Variants in SPECC1 observed in about 807,000 individuals in gnomAD.
SPECC1 encodes cytospin-B.
SPECC1 carries 62 observed loss-of-function variants against 104.1 expected under a neutral mutation model. That is an observed-to-expected ratio of 0.60 (90% CI 0.49 to 0.74). The LOEUF (loss-of-function observed/expected upper bound fraction) is 0.74. Among genes scored for constraint, SPECC1 ranks in the 30% least tolerant of loss-of-function variants. The probability of loss-of-function intolerance (pLI) is 0.00; values close to 1 mark genes in which losing one functional copy is unlikely to be tolerated. For missense variants in SPECC1, 1,306 were observed against 1,310.5 expected (o/e 1.00, Z 0.05); for synonymous variants, 513 against 501.6 (o/e 1.02, Z -0.30).
chr17:20,102,520 C>T (rs2047991476), intron 2 of SPECC1, among the ~76,000 whole-genome samples: 1 of 152,150 alleles, frequency 6.6e-6, no homozygotes, highest in Non-Finnish European at 1.5e-5. Flanking sequence ...GCATAAAATC[C>T]CCTAGTCCAA....
At chr17:20,123,199 C>T (rs907979272) in intron 3 of SPECC1, among the ~76,000 whole-genome samples, 6 of 152,184 alleles carry the variant, frequency 3.9e-5, no homozygotes, top group Admixed American at 2.0e-4. Flanking sequence ...TTTAAAACCA[C>T]GAGACATGGA....
intron 9 of SPECC1, among the ~76,000 whole-genome samples, chr17:20,248,397 G>A (rs573083304): frequency 1.3e-5 from 2 of 152,270 alleles, no homozygotes; most frequent in South Asian, 2.1e-4. Flanking sequence ...GAGTGAGCCC[G>A]TCTTGAGATC....
chr17:20,261,051 A>G (rs1017163432), intron 12 of SPECC1, among the ~76,000 whole-genome samples: 3 of 152,214 alleles, frequency 2.0e-5, no homozygotes, highest in Non-Finnish European at 1.5e-5. Context: ...ATTCTTTTAA[A>G]CATTATGAGA....
In SPECC1 at chr17:20,197,176, C is replaced by G. The variant is rs533933176; in HGVS notation, c.284-7157C>G. On this transcript the variant is annotated intron_variant, in intron 3 of 14. Transcript: ENST00000395527. ...AGAACAGGGCCAGGAAAGGGGGTCC[C>G]TGGTGCCTCCTGTTTTTCCCAAGGA... Among the ~76,000 whole-genome samples, 20 of 152,302 alleles carry G rather than the reference C, an allele frequency of 1.3e-4. No homozygotes were observed. In the South Asian group the frequency reaches 3.3e-3, roughly 25 times the overall value.
At chr17:20,156,834 A>C (rs774435274) in intron 3 of SPECC1, among the ~76,000 whole-genome samples, 1 of 152,200 alleles carries the variant, frequency 6.6e-6, no homozygotes, top group Non-Finnish European at 1.5e-5. Flanking sequence ...GGCCCCCAGC[A>C]GAGTTAGATG....
intron 9 of SPECC1, among the ~76,000 whole-genome samples, chr17:20,252,324 G>T (rs1262279042): frequency 2.6e-5 from 4 of 151,988 alleles, no homozygotes; most frequent in Non-Finnish European, 5.9e-5. Context: ...TTGTTACATG[G>T]ATATATTGTG....
At chr17:20,235,229 A>G (rs1439023046) in intron 7 of SPECC1, among the ~76,000 whole-genome samples, 1 of 152,216 alleles carries the variant, frequency 6.6e-6, no homozygotes, top group African/African-American at 2.4e-5. Flanking sequence ...CCTCTTTGAC[A>G]CAGTGGCATC....
At chr17:20,201,753 T>C (rs1597959315) in intron 3 of SPECC1, among the ~76,000 whole-genome samples, 1 of 152,312 alleles carries the variant, frequency 6.6e-6, no homozygotes, top group East Asian at 1.9e-4. Flanking sequence ...CCTCGTTGAG[T>C]GTGTAGTATG....
intron 3 of SPECC1, among the ~76,000 whole-genome samples, chr17:20,173,853 C>T (rs866504476): frequency 6.6e-6 from 1 of 152,050 alleles, no homozygotes; most frequent in Admixed American, 6.6e-5. Context: ...TTTCTGCCAG[C>T]CCCTTTGTTC....
In SPECC1 at chr17:20,204,568, T is replaced by C; in HGVS notation, c.519T>C (p.Leu173=). ...KAALESQVRE[L]LAEAKAKDSE... ...CGCTTGAGTCCCAAGTTCGGGAACT[T>C]TTGGCAGAAGCCAAAGCAAAAGATA... Residue 173 remains leucine, a synonymous_variant, in exon 4 of 15, where the codon CTT becomes CTC. Coordinates refer to ENST00000395527, the MANE Select transcript of SPECC1 (RefSeq NM_001243439.2). 5 of 1,614,134 alleles carry C rather than the reference T, an allele frequency of 3.1e-6. No homozygotes were observed. The highest frequency in any genetic ancestry group is 4.2e-6 in the Non-Finnish European group (5 of 1,180,030).
chr17:20,265,089 T>C (rs1485662840), intron 12 of SPECC1, among the ~76,000 whole-genome samples: 1 of 152,230 alleles, frequency 6.6e-6, no homozygotes, highest in Non-Finnish European at 1.5e-5. Context: ...GCAATGAACA[T>C]ACGAGTGGTA....
intron 12 of SPECC1, among the ~76,000 whole-genome samples, chr17:20,264,581 C>G (rs549229405): frequency 6.7e-6 from 1 of 149,224 alleles, no homozygotes; most frequent in East Asian, 2.0e-4. Flanking sequence ...TAGCAATTCT[C>G]CTGCCTTAGC....
At chr17:20,054,295 C>T (rs2045880270) in intron 1 of SPECC1, among the ~76,000 whole-genome samples, 1 of 152,128 alleles carries the variant, frequency 6.6e-6, no homozygotes, top group Non-Finnish European at 1.5e-5. Flanking sequence ...AGGTTTCATC[C>T]CACCATGCTT....
At chr17:20,229,366 TCAA>T (rs768739049) in intron 5 of SPECC1, among the ~76,000 whole-genome samples, 24 of 152,178 alleles carry the variant, frequency 1.6e-4, no homozygotes, top group Non-Finnish European at 2.9e-4. Flanking sequence ...TGTTATTGAA[TCAA>T]CAAAGCGCAT....
At chr17:20,062,068 G>A (rs145445387) in intron 1 of SPECC1, among the ~76,000 whole-genome samples, 11,154 of 151,768 alleles carry the variant, frequency 0.073, 552 homozygotes, top group African/African-American at 0.14. Flanking sequence ...TGGCTAGCAC[G>A]GTGAAACCCC....
intron 11 of SPECC1, among the ~76,000 whole-genome samples, chr17:20,258,980 A>C (rs901685410): frequency 6.6e-6 from 1 of 152,248 alleles, no homozygotes; most frequent in Non-Finnish European, 1.5e-5. Flanking sequence ...AGCCCCTTGC[A>C]TTGTGCAACA....
At chr17:20,310,729 G>A (rs1461682811) in intron 14 of SPECC1, among the ~76,000 whole-genome samples, 2 of 152,222 alleles carry the variant, frequency 1.3e-5, no homozygotes, top group Admixed American at 1.3e-4. Flanking sequence ...CTGGGTGCTG[G>A]CATGCCCCCG....
At chr17:20,170,100 T>C (rs1232299570) in intron 3 of SPECC1, among the ~76,000 whole-genome samples, 1 of 152,240 alleles carries the variant, frequency 6.6e-6, no homozygotes, top group African/African-American at 2.4e-5. Context: ...TTGCCCTTGC[T>C]GCCCTCCTCC....
At chr17:20,045,500 T>C (rs2045504363) in intron 1 of SPECC1, among the ~76,000 whole-genome samples, 1 of 152,218 alleles carries the variant, frequency 6.6e-6, no homozygotes, top group African/African-American at 2.4e-5. Flanking sequence ...AAGAGTTGGT[T>C]AATTTGCAGG....
Sources: allele counts gnomAD v4.1 joint callset (sites outside exome capture counted in the v4.1 genomes callset), GRCh38; gene constraint gnomAD v4.1.1; transcripts MANE v1.5; gene names NCBI Gene and HGNC (gene_info 2026-07-23, HGNC 2026-07-21).